PLPPR1: variants seen among roughly 807,000 people sequenced by gnomAD.
PLPPR1 encodes phospholipid phosphatase-related protein type 1.
PLPPR1 carries 10 observed loss-of-function variants against 33.1 expected under a neutral mutation model. That is an observed-to-expected ratio of 0.30 (90% CI 0.19 to 0.51). PLPPR1 has a LOEUF of 0.51. PLPPR1 is among the 20% of genes least tolerant of loss of function. The pLI is 0.97. For missense variants in PLPPR1, 304 were observed against 408.1 expected (o/e 0.74, Z 2.20); for synonymous variants, 151 against 151.0 (o/e 1.00, Z 0.00).
chr9:101,247,090 T>C (rs1827624357), intron 2 of PLPPR1, among the ~76,000 whole-genome samples: 1 of 151,954 alleles, frequency 6.6e-6, no homozygotes, highest in African/African-American at 2.4e-5. Context: ...GGAGGTCTCA[T>C]AGAAGAATTG....
chr9:101,057,605 TA>T (rs1356232515), intron 1 of PLPPR1, among the ~76,000 whole-genome samples: 9 of 152,212 alleles, frequency 5.9e-5, no homozygotes, highest in Non-Finnish European at 8.8e-5. Context: ...GAACTATGCT[TA>T]GTGTTTTATA....
intron 1 of PLPPR1, among the ~76,000 whole-genome samples, chr9:101,050,237 T>C (rs1830204129): frequency 6.6e-6 from 1 of 151,992 alleles, no homozygotes; most frequent in African/African-American, 2.4e-5. Context: ...TTCCAAGATC[T>C]GTGATTCTGT....
At chr9:101,058,971 C>T (rs1396538889) in intron 1 of PLPPR1, among the ~76,000 whole-genome samples, 1 of 152,100 alleles carries the variant, frequency 6.6e-6, no homozygotes, top group Non-Finnish European at 1.5e-5. Context: ...CCATATTACT[C>T]CCACCTAAAA....
intron 4 of PLPPR1, among the ~76,000 whole-genome samples, chr9:101,294,051 C>T (rs532582991): frequency 7.2e-5 from 11 of 151,986 alleles, no homozygotes; most frequent in South Asian, 4.2e-4. Flanking sequence ...ATTGATAGAC[C>T]GCTAGCAAGA....
At chr9:101,188,978 C>T (rs558390306) in intron 2 of PLPPR1, among the ~76,000 whole-genome samples, 71 of 152,040 alleles carry the variant, frequency 4.7e-4, no homozygotes, top group African/African-American at 1.6e-3. Flanking sequence ...GTAATTTGCT[C>T]ATGAAGTTTA....
rs761039194 is a variant in PLPPR1, at chr9:101,324,045, C to T, written c.966C>T (p.Thr322=). ...LSAQNHSASM[T]EVT ...CACAGAATCACTCTGCGTCCATGAC[C>T]GAAGTTACCTGAGACGACTGATGTG... Residue 322 remains threonine (T), a synonymous_variant, in exon 8 of 8, where the codon ACC becomes ACT. Transcript: ENST00000374874. 9.9e-6 allele frequency: 16 copies of T among 1,612,316 alleles called. No individual in the cohort carries two copies. The highest frequency in any genetic ancestry group is 3.3e-4 in the Middle Eastern group (2 of 6,076).
intron 5 of PLPPR1, among the ~76,000 whole-genome samples, chr9:101,310,458 T>TC (rs1484355135): frequency 6.6e-6 from 1 of 152,206 alleles, no homozygotes; most frequent in African/African-American, 2.4e-5. Context: ...TTTCAAACTG[T>TC]CCATTCTTCC....
chr9:101,178,239 C>T (rs879158520), intron 1 of PLPPR1, among the ~76,000 whole-genome samples: 4 of 152,200 alleles, frequency 2.6e-5, no homozygotes, highest in Admixed American at 6.5e-5. Context: ...AGAGGTTACA[C>T]GTGGGCTCAG....
At chr9:101,306,346 A>T (rs997354034) in intron 4 of PLPPR1, among the ~76,000 whole-genome samples, 14 of 152,138 alleles carry the variant, frequency 9.2e-5, no homozygotes, top group African/African-American at 3.4e-4. Context: ...GCCTGTAAGT[A>T]CCTCTTTACT....
intron 1 of PLPPR1, among the ~76,000 whole-genome samples, chr9:101,070,682 A>C (rs188412619): frequency 6.6e-6 from 1 of 152,122 alleles, no homozygotes; most frequent in East Asian, 1.9e-4. Context: ...CTTTCCTCTA[A>C]ACTTGCACTC....
At chr9:101,142,974 T>G (rs1247276392) in intron 1 of PLPPR1, among the ~76,000 whole-genome samples, 1 of 152,130 alleles carries the variant, frequency 6.6e-6, no homozygotes, top group Non-Finnish European at 1.5e-5. Flanking sequence ...ATAAATTTAT[T>G]GTGCAACTAG....
At chr9:101,161,093 G>A (rs1238122715) in intron 1 of PLPPR1, among the ~76,000 whole-genome samples, 1 of 152,122 alleles carries the variant, frequency 6.6e-6, no homozygotes. Context: ...AGATACAAGT[G>A]GGAGGTTCCT....
chr9:101,056,751 A>G (rs750674771), intron 1 of PLPPR1, among the ~76,000 whole-genome samples: 37 of 152,214 alleles, frequency 2.4e-4, no homozygotes, highest in East Asian at 9.6e-4. Context: ...TTGAACTCCA[A>G]AGAAGTAGTT....
chr9:101,121,213 A>G (rs2118593894), intron 1 of PLPPR1, among the ~76,000 whole-genome samples: 2 of 152,216 alleles, frequency 1.3e-5, no homozygotes, highest in South Asian at 4.1e-4. Context: ...ACAATATCTA[A>G]CTTCTTTTTA....
At chr9:101,055,789 G>A (rs901997677) in intron 1 of PLPPR1, among the ~76,000 whole-genome samples, 2 of 152,102 alleles carry the variant, frequency 1.3e-5, no homozygotes, top group Non-Finnish European at 1.5e-5. Flanking sequence ...CACATCACAC[G>A]GGTAGGATGG....
chr9:101,199,633 T>C (rs924314499), intron 2 of PLPPR1, among the ~76,000 whole-genome samples: 1 of 152,198 alleles, frequency 6.6e-6, no homozygotes, highest in Non-Finnish European at 1.5e-5. Flanking sequence ...ATCCATATAC[T>C]CATTATATTT....
chr9:101,137,472 C>A (rs1217126675), intron 1 of PLPPR1, among the ~76,000 whole-genome samples: 1 of 152,118 alleles, frequency 6.6e-6, no homozygotes, highest in Non-Finnish European at 1.5e-5. Flanking sequence ...CACTGATAGC[C>A]CATACTTTGC....
intron 1 of PLPPR1, among the ~76,000 whole-genome samples, chr9:101,033,926 G>A (rs1829978938): frequency 6.6e-6 from 1 of 152,148 alleles, no homozygotes; most frequent in Non-Finnish European, 1.5e-5. Context: ...AGTTTGAAAA[G>A]GTTGAAAGTA....
intron 1 of PLPPR1, among the ~76,000 whole-genome samples, chr9:101,086,301 G>C (rs1483152348): frequency 6.6e-6 from 1 of 152,178 alleles, no homozygotes; most frequent in African/African-American, 2.4e-5. Context: ...GAGGAAGCAA[G>C]ATTAGGCAGG....
Sources: gnomAD v4.1 joint callset for allele counts (sites outside exome capture counted in the v4.1 genomes callset) on GRCh38, gnomAD v4.1.1 for gene constraint, MANE v1.5 for transcripts, NCBI Gene and HGNC (gene_info 2026-07-23, HGNC 2026-07-21) for gene names.